The following OPCML variants were observed in gnomAD, a reference collection of about 807,000 sequenced individuals.
OPCML encodes opioid binding protein/cell adhesion molecule like, also known as opioid-binding protein/cell adhesion molecule.
A neutral mutation model predicts 37.8 loss-of-function variants in OPCML; 13 were observed. The ratio of observed to expected loss-of-function variants is 0.34; its 90% CI spans 0.22 to 0.55. The LOEUF (loss-of-function observed/expected upper bound fraction) is 0.55. OPCML is among the 20% of genes least tolerant of loss of function. OPCML has a pLI of 0.91. For missense variants in OPCML, 341 were observed against 435.6 expected (o/e 0.78, Z 1.93); for synonymous variants, 176 against 168.8 (o/e 1.04, Z -0.33).
At chr11:132,703,933 G>T (rs1050357462) in intron 2 of OPCML, among the ~76,000 whole-genome samples, 3 of 152,162 alleles carry the variant, frequency 2.0e-5, no homozygotes, top group African/African-American at 7.2e-5. Flanking sequence ...AAGGTGACTT[G>T]GTACTGGGGT....
At chr11:132,757,457 C>T (rs1946094029) in intron 2 of OPCML, among the ~76,000 whole-genome samples, 1 of 152,212 alleles carries the variant, frequency 6.6e-6, no homozygotes, top group African/African-American at 2.4e-5. Context: ...TCCTCTCCAG[C>T]ATCCGTTGTT....
chr11:132,806,373 C>T (rs1209427466), intron 2 of OPCML, among the ~76,000 whole-genome samples: 1 of 151,978 alleles, frequency 6.6e-6, no homozygotes, highest in African/African-American at 2.4e-5. Context: ...ATAAGACACA[C>T]TTTAAATATA....
At chr11:132,709,580 GAGGAGTGACC>G (rs1944176148) in intron 2 of OPCML, among the ~76,000 whole-genome samples, 1 of 152,148 alleles carries the variant, frequency 6.6e-6, no homozygotes, top group African/African-American at 2.4e-5. Context: ...TGACTTTGAA[GAGGAGTGACC>G]AGGTATTCTG....
intron 4 of OPCML, among the ~76,000 whole-genome samples, chr11:132,481,151 C>G (rs200470487): frequency 6.6e-6 from 1 of 152,070 alleles, no homozygotes; most frequent in Non-Finnish European, 1.5e-5. Flanking sequence ...AGTCAAGACC[C>G]ATCAGTGTGC....
intron 1 of OPCML, among the ~76,000 whole-genome samples, chr11:133,394,936 T>C (rs879324827): frequency 1.3e-5 from 2 of 152,246 alleles, no homozygotes; most frequent in African/African-American, 2.4e-5. Flanking sequence ...TTTAGTTTTC[T>C]GAGGAACTTC....
At chr11:132,567,015 T>C (rs528188884) in intron 3 of OPCML, among the ~76,000 whole-genome samples, 5 of 150,350 alleles carry the variant, frequency 3.3e-5, no homozygotes, top group Non-Finnish European at 7.4e-5. Flanking sequence ...AATAAGTTAA[T>C]GCAAAAAGGA....
intron 1 of OPCML, among the ~76,000 whole-genome samples, chr11:133,461,673 T>G (rs979351958): frequency 6.6e-6 from 1 of 151,868 alleles, no homozygotes; most frequent in Non-Finnish European, 1.5e-5. Context: ...CAACCCATGT[T>G]CATGGATTGA....
intron 4 of OPCML, among the ~76,000 whole-genome samples, chr11:132,470,522 G>C (rs2096134650): frequency 6.6e-6 from 1 of 152,168 alleles, no homozygotes; most frequent in South Asian, 2.1e-4. Flanking sequence ...CAATAGAGAT[G>C]CCCAGTAGAC....
At chr11:133,409,850 C>G (rs189264378) in intron 1 of OPCML, among the ~76,000 whole-genome samples, 2 of 152,014 alleles carry the variant, frequency 1.3e-5, no homozygotes, top group Non-Finnish European at 2.9e-5. Flanking sequence ...GCAGTCCAGT[C>G]GGGGAGAGAG....
chr11:132,949,469 T>G (rs1591839529), intron 1 of OPCML, among the ~76,000 whole-genome samples: 1 of 152,176 alleles, frequency 6.6e-6, no homozygotes, highest in Non-Finnish European at 1.5e-5. Context: ...TAAACTGAGC[T>G]GCCTGCTGAG....
intron 2 of OPCML, among the ~76,000 whole-genome samples, chr11:132,927,430 T>TCAAA (rs1283865274): frequency 1.3e-5 from 2 of 151,912 alleles, no homozygotes; most frequent in Non-Finnish European, 2.9e-5. Context: ...AAAAGCAAAA[T>TCAAA]CAAACAAACA....
intron 1 of OPCML, among the ~76,000 whole-genome samples, chr11:133,391,870 G>A (rs1329139994): frequency 6.6e-6 from 1 of 152,086 alleles, no homozygotes; most frequent in Non-Finnish European, 1.5e-5. Context: ...AGATTAAGAA[G>A]CTAAGATTCA....
At chr11:133,483,969 A>ATAAG (rs1162006993) in intron 1 of OPCML, among the ~76,000 whole-genome samples, 1 of 124,848 alleles carries the variant, frequency 8.0e-6, no homozygotes, top group African/African-American at 4.1e-5. Context: ...GATTATATAG[A>ATAAG]TAGGTAGATA....
intron 4 of OPCML, among the ~76,000 whole-genome samples, chr11:132,483,819 G>C (rs1488954134): frequency 6.6e-6 from 1 of 151,618 alleles, no homozygotes; most frequent in East Asian, 1.9e-4. Flanking sequence ...AATGGGGAAA[G>C]GATTCCCTAT....
chr11:132,613,253 C>T (rs180974604), intron 3 of OPCML, among the ~76,000 whole-genome samples: 7 of 152,298 alleles, frequency 4.6e-5, no homozygotes, highest in Admixed American at 2.6e-4. Flanking sequence ...AAAAAAGCTA[C>T]GTCTTGGGTA....
intron 3 of OPCML, among the ~76,000 whole-genome samples, chr11:132,568,024 C>CTGTGTGTG (rs549824512): frequency 6.8e-6 from 1 of 147,878 alleles, no homozygotes; most frequent in Admixed American, 6.9e-5. Flanking sequence ...CCGAATAGAT[C>CTGTGTGTG]TGTGTGTGTG....
At chr11:132,813,146 A>G (rs187572586) in intron 2 of OPCML, among the ~76,000 whole-genome samples, 1 of 151,866 alleles carries the variant, frequency 6.6e-6, no homozygotes, top group Admixed American at 6.6e-5. Flanking sequence ...CTCAGTACAC[A>G]TTTTTTTTAG....
intron 1 of OPCML, chr11:133,297,239 T>G (rs570125008): frequency 5.8e-4 from 89 of 152,346 alleles, no homozygotes; most frequent in African/African-American, 1.8e-3. Flanking sequence ...GGTTAGAGTT[T>G]ACTGCAACCA....
chr11:133,096,130 A>ATGTG (rs59616366), intron 1 of OPCML, among the ~76,000 whole-genome samples: 44,285 of 149,986 alleles, frequency 0.3, 6,548 homozygotes, highest in African/African-American at 0.32. Context: ...TTGTGCACAA[A>ATGTG]TGTGTGTGTG....
Sources: allele counts gnomAD v4.1 joint callset (sites outside exome capture counted in the v4.1 genomes callset), GRCh38; gene constraint gnomAD v4.1.1; transcripts MANE v1.5; gene names NCBI Gene and HGNC (gene_info 2026-07-23, HGNC 2026-07-21).